RAB6B: variants seen among roughly 807,000 people sequenced by gnomAD.
RAB6B encodes the protein ras-related protein Rab-6B.
RAB6B carries 7 observed loss-of-function variants against 31.2 expected under a neutral mutation model. The ratio of observed to expected loss-of-function variants is 0.22; its 90% CI spans 0.13 to 0.42. The LOEUF (loss-of-function observed/expected upper bound fraction) is 0.42, where lower values mean the gene tolerates loss of function less well. Ranked by LOEUF, RAB6B falls within the 10% of genes least tolerant of loss-of-function variation. The pLI is 1.00. For missense variants in RAB6B, 149 were observed against 280.6 expected (o/e 0.53, Z 3.35); for synonymous variants, 105 against 104.9 (o/e 1.00, Z -0.01).
intron 1 of RAB6B, among the ~76,000 whole-genome samples, chr3:133,866,333 G>A (rs1218622125): frequency 6.6e-6 from 1 of 152,208 alleles, no homozygotes; most frequent in Non-Finnish European, 1.5e-5. Flanking sequence ...GGGCTGGGAT[G>A]TGGCTGCCTG....
At chr3:133,834,724 T>C (rs1935707695) in intron 6 of RAB6B, 83 bp from the exon 7 acceptor site, 2 of 1,293,000 alleles carry the variant, frequency 1.5e-6, no homozygotes, top group Admixed American at 3.4e-5. Context: ...CTCACCCCTC[T>C]TCCCCTCCCA....
intron 2 of RAB6B, among the ~76,000 whole-genome samples, chr3:133,863,667 A>G (rs1480622158): frequency 6.6e-6 from 1 of 152,104 alleles, no homozygotes. Context: ...CTAAATCTGT[A>G]CAAGCTCTGA....
At chr3:133,893,270 G>A (rs1936661546) in intron 1 of RAB6B, among the ~76,000 whole-genome samples, 1 of 152,198 alleles carries the variant, frequency 6.6e-6, no homozygotes, top group African/African-American at 2.4e-5. Flanking sequence ...ACACGCTAGT[G>A]AAAAATATTG....
chr3:133,891,918 C>T (rs1262938298), intron 1 of RAB6B, among the ~76,000 whole-genome samples: 1 of 152,174 alleles, frequency 6.6e-6, no homozygotes, highest in African/African-American at 2.4e-5. Flanking sequence ...TCCATCCAGT[C>T]TTCCTGCTTT....
intron 1 of RAB6B, among the ~76,000 whole-genome samples, chr3:133,882,604 C>T (rs1193336875): frequency 6.6e-6 from 1 of 152,244 alleles, no homozygotes; most frequent in East Asian, 1.9e-4. Context: ...TGGGCAGAGG[C>T]TGAGTCCTGC....
Position 133,861,443 on chromosome 3 carries a change from G to C in RAB6B, c.129+3141C>G, listed in dbSNP as rs371936452. On this transcript the variant is annotated intron_variant, in intron 2 of 7. Coordinates refer to ENST00000285208, the MANE Select transcript of RAB6B (RefSeq NM_016577.4). ...ACCTGCTCCCCTGAGGCATCTCACG[G>C]GGCCTACCAGGTGGACAAAAAGTCT... Among the ~76,000 whole-genome samples, 68 of 152,268 alleles carry C rather than the reference G, an allele frequency of 4.5e-4. 2 individuals carry two copies. Among genetic ancestry groups the C allele is most frequent in the African/African-American group, 1.6e-3 (66 of 41,556 alleles).
At chr3:133,879,739 T>A (rs918727074) in intron 1 of RAB6B, among the ~76,000 whole-genome samples, 2 of 152,180 alleles carry the variant, frequency 1.3e-5, no homozygotes, top group African/African-American at 4.8e-5. Context: ...TCACTTATGT[T>A]CTGAATCCTC....
chr3:133,828,147 C>T lies in RAB6B; in HGVS notation c.*641G>A, dbSNP rs746130322. On this transcript the variant is annotated 3_prime_UTR_variant, in exon 8 of 8. Transcript: ENST00000285208. Reference sequence around the variant, plus strand: ...TGCCGGGCTGCCTAGAGCCCACAGACCTTGGTCTCAGCTCCACACGAGGTT... The same window carrying T: ...TGCCGGGCTGCCTAGAGCCCACAGATCTTGGTCTCAGCTCCACACGAGGTT... 6 of 606,054 alleles carry T rather than the reference C, an allele frequency of 9.9e-6. No individual in the cohort carries two copies. Among genetic ancestry groups the T allele is most frequent in the Admixed American group, 2.7e-5 (1 of 36,740 alleles). The allele number at this position is 606,054 out of a possible 1,614,324, so 37.5% of individuals were successfully genotyped here.
At chr3:133,891,958 CAGA>C (rs751868379) in intron 1 of RAB6B, among the ~76,000 whole-genome samples, 85 of 152,300 alleles carry the variant, frequency 5.6e-4, no homozygotes, top group Middle Eastern at 3.4e-3. Context: ...AAGGGGAGGT[CAGA>C]AGAAGACAGT....
At chr3:133,881,161 G>A (rs556051952) in intron 1 of RAB6B, among the ~76,000 whole-genome samples, 3 of 152,336 alleles carry the variant, frequency 2.0e-5, no homozygotes, top group African/African-American at 7.2e-5. Context: ...AGGGCAAGGA[G>A]ATGGTGGCCA....
In RAB6B at chr3:133,824,809, C is replaced by CA. The variant is rs1282000314; in HGVS notation, c.*3978_*3979insT. The stretch of plus-strand genomic sequence containing the variant: ...GAGTAGAGATGGTCTGAGGAACACA[C>CA]CCACACACAGCAGTCCTTGCTGTGT... On this transcript the variant is annotated 3_prime_UTR_variant, in exon 8 of 8. Transcript: ENST00000285208. 2.0e-5 allele frequency: 3 copies of CA among 152,186 alleles called. No individual in the cohort carries two copies. The highest frequency in any genetic ancestry group is 7.2e-5 in the African/African-American group (3 of 41,510). The allele number at this position is 152,186 out of a possible 1,614,324, so 9.4% of individuals were successfully genotyped here. A position where few individuals can be genotyped will look rare whatever the true frequency, so the allele number is the denominator to read the frequency against.
intron 1 of RAB6B, among the ~76,000 whole-genome samples, chr3:133,886,438 C>A (rs1936548434): frequency 6.6e-6 from 1 of 152,234 alleles, no homozygotes; most frequent in Admixed American, 6.5e-5. Flanking sequence ...TGGCTGAGCT[C>A]CTTACAGGAA....
At chr3:133,835,185 A>G (rs1296117773) in intron 6 of RAB6B, among the ~76,000 whole-genome samples, 8 of 152,092 alleles carry the variant, frequency 5.3e-5, no homozygotes, top group African/African-American at 9.7e-5. Flanking sequence ...TGTGAACACA[A>G]TTTTGTGGGC....
rs201627683 is a variant in RAB6B at position 133,839,524 on chromosome 3, G to A, written c.383C>T (p.Thr128Met). 34 of 1,614,034 alleles carry A rather than the reference G, an allele frequency of 2.1e-5. No individual in the cohort carries two copies. Among genetic ancestry groups the A allele is most frequent in the East Asian group, 1.1e-4 (5 of 44,886 alleles). Reference protein sequence around the residue: ...DVIIMLVGNKTDLADKRQITI... With the variant: ...DVIIMLVGNKMDLADKRQITI... ...CACCTACCTCTTATCAGCCAGGTCC[G>A]TCTTGTTGCCCACCAGCATGATGAT... Residue 128 changes from threonine to methionine, a missense_variant, in exon 5 of 8, where the codon ACG becomes ATG. By Grantham distance (81) the Thr-to-Met change is moderately conservative. This residue lies in a region of RAB6B where 75 missense variants were observed against 180.1 expected (regional missense o/e 0.42). Transcript: ENST00000285208.
chr3:133,889,391 TATATATATATATATATATATA>T (rs1559915401), intron 1 of RAB6B, among the ~76,000 whole-genome samples: 2,412 of 34,020 alleles, frequency 0.071, 218 homozygotes, highest in African/African-American at 0.22. Context: ...TATTTTGTTA[TATATATATATATATATATATA>T]TATATATATA....
intron 4 of RAB6B, among the ~76,000 whole-genome samples, chr3:133,840,273 T>A (rs1935805715): frequency 6.6e-6 from 1 of 152,080 alleles, no homozygotes; most frequent in Admixed American, 6.5e-5. Context: ...CTGACCCCCC[T>A]CAGCTGCCAT....
Position 133,828,629 on chromosome 3 carries a change from C to T in RAB6B, c.*159G>A. 2.7e-6 allele frequency: 2 copies of T among 740,232 alleles called. No individual in the cohort carries two copies. The highest frequency in any genetic ancestry group is 2.4e-4 in the Middle Eastern group (1 of 4,216). The allele number at this position is 740,232 out of a possible 1,614,324, so 45.9% of individuals were successfully genotyped here. A position where few individuals can be genotyped will look rare whatever the true frequency, so the allele number is the denominator to read the frequency against. On this transcript the variant is annotated 3_prime_UTR_variant, in exon 8 of 8. Transcript: ENST00000285208. ...TTAAGAGTGATGTGATCCCTGATGC[C>T]CAGCCTCCCTCCCCATCCCACCCTA... is the stretch of plus-strand genomic sequence containing the variant.
chr3:133,868,591 T>C (rs147641952), intron 1 of RAB6B, among the ~76,000 whole-genome samples: 67 of 152,364 alleles, frequency 4.4e-4, no homozygotes, highest in African/African-American at 1.5e-3. Flanking sequence ...CTGGCAGGTT[T>C]TATTAAAAAT....
chr3:133,843,254 G>C (rs1477494877), intron 2 of RAB6B, among the ~76,000 whole-genome samples: 2 of 152,254 alleles, frequency 1.3e-5, no homozygotes, highest in African/African-American at 2.4e-5. Context: ...GAGGGTTAAA[G>C]GACATGCCTA....
Sources: gnomAD v4.1 joint callset for allele counts (sites outside exome capture counted in the v4.1 genomes callset) on GRCh38, gnomAD v4.1.1 for gene constraint, gnomAD v4.1.1 regional missense constraint, MANE v1.5 for transcripts, NCBI Gene and HGNC (gene_info 2026-07-23, HGNC 2026-07-21) for gene names.